The following MEF2C variants were observed in gnomAD, a reference collection of about 807,000 sequenced individuals.
MEF2C encodes myocyte enhancer factor 2C, also known as myocyte-specific enhancer factor 2C.
In MEF2C, 6 loss-of-function variants were observed where a neutral mutation model predicts 50.5. The observed-to-expected ratio is 0.12, with a 90% CI of 0.07 to 0.23. MEF2C has a LOEUF of 0.23. Among genes scored for constraint, MEF2C ranks in the 10% least tolerant of loss-of-function variants. The pLI, the probability that MEF2C is intolerant of heterozygous loss-of-function variation, is 1.00. For missense variants in MEF2C, 276 were observed against 605.0 expected (o/e 0.46, Z 5.70); for synonymous variants, 183 against 228.0 (o/e 0.80, Z 1.78).
chr5:88,863,798 T>C (rs1373189970), intron 1 of MEF2C, among the ~76,000 whole-genome samples: 2 of 152,020 alleles, frequency 1.3e-5, no homozygotes, highest in Admixed American at 6.6e-5. Context: ...GGTTCATTCA[T>C]GTTGCAAATG....
At chr5:88,783,418 C>T (rs1310915813) in intron 3 of MEF2C, among the ~76,000 whole-genome samples, 2 of 152,026 alleles carry the variant, frequency 1.3e-5, no homozygotes, top group Non-Finnish European at 2.9e-5. Flanking sequence ...CACCTGAAGT[C>T]GAGAGTTCAA....
intron 6 of MEF2C, chr5:88,743,730 C>T: frequency 1.0e-6 from 1 of 985,326 alleles, no homozygotes; most frequent in Non-Finnish European, 1.2e-6. Context: ...AATATTTATC[C>T]ACGGCAGTAC....
At chr5:88,751,072 G>A in intron 5 of MEF2C, 5 of 982,710 alleles carry the variant, frequency 5.1e-6, no homozygotes, top group Non-Finnish European at 6.0e-6. Flanking sequence ...GGTTCCTACT[G>A]TTAGTTTAGC....
At chr5:88,818,615 CT>C (rs1196394200) in intron 2 of MEF2C, among the ~76,000 whole-genome samples, 1 of 151,976 alleles carries the variant, frequency 6.6e-6, no homozygotes, top group Non-Finnish European at 1.5e-5. Flanking sequence ...TCTCCCCATC[CT>C]TGTCATAAAT....
chr5:88,757,682 G>A (rs529217581), intron 4 of MEF2C, among the ~76,000 whole-genome samples: 146 of 152,240 alleles, frequency 9.6e-4, no homozygotes, highest in African/African-American at 3.3e-3. Flanking sequence ...TTGGGAGGCC[G>A]AGACGGGCGG....
chr5:88,725,889 T>C (rs1056137402), intron 10 of MEF2C, among the ~76,000 whole-genome samples: 2 of 152,134 alleles, frequency 1.3e-5, no homozygotes, highest in African/African-American at 2.4e-5. Flanking sequence ...CTGCCCTTTT[T>C]ATAGGTGGTG....
chr5:88,850,691 C>T (rs1820994899), intron 1 of MEF2C, among the ~76,000 whole-genome samples: 1 of 151,900 alleles, frequency 6.6e-6, no homozygotes, highest in African/African-American at 2.4e-5. Flanking sequence ...CACACACACG[C>T]ACACACATAT....
At chr5:88,732,023 G>A in intron 6 of MEF2C, 122 bp from the exon 7 acceptor site, 1 of 882,954 alleles carries the variant, frequency 1.1e-6, no homozygotes, top group Non-Finnish European at 1.7e-6. Context: ...CAAAACCATA[G>A]GATGACTGAT....
At chr5:88,779,409 T>C (rs1561979859) in intron 3 of MEF2C, among the ~76,000 whole-genome samples, 2 of 152,090 alleles carry the variant, frequency 1.3e-5, no homozygotes, top group African/African-American at 4.8e-5. Context: ...TGGGAGAAGT[T>C]AGAAACTCTC....
At chr5:88,746,538 A>G (rs1469688339) in intron 6 of MEF2C, 2 of 985,262 alleles carry the variant, frequency 2.0e-6, no homozygotes, top group African/African-American at 1.7e-5. Context: ...CTTGGCCTCA[A>G]GAGTTTCAAA....
At chr5:88,739,168 C>G (rs1765374421) in intron 6 of MEF2C, 21 of 979,792 alleles carry the variant, frequency 2.1e-5, no homozygotes, top group Non-Finnish European at 2.5e-5. Context: ...CGGGAAATAA[C>G]TTCTAATATA....
intron 1 of MEF2C, among the ~76,000 whole-genome samples, chr5:88,881,734 T>TC (rs1438734339): frequency 1.3e-5 from 2 of 151,802 alleles, no homozygotes; most frequent in Non-Finnish European, 2.9e-5. Context: ...CGCTTTTTTT[T>TC]TTTTTGGACT....
intron 3 of MEF2C, among the ~76,000 whole-genome samples, chr5:88,775,218 G>A (rs1784213226): frequency 6.6e-6 from 1 of 152,102 alleles, no homozygotes. Flanking sequence ...CTTTCCACTG[G>A]GACTTGCCTG....
intron 1 of MEF2C, among the ~76,000 whole-genome samples, chr5:88,903,511 G>A (rs896823553): frequency 8.6e-5 from 13 of 151,936 alleles, no homozygotes; most frequent in African/African-American, 3.1e-4. Flanking sequence ...TTTGAAAATA[G>A]TATGTACCAT....
At chr5:88,724,782 T>C (rs1202274852) in intron 10 of MEF2C, among the ~76,000 whole-genome samples, 4 of 152,148 alleles carry the variant, frequency 2.6e-5, no homozygotes, top group Admixed American at 2.6e-4. Context: ...CATTCTGATG[T>C]TTGAGGAAAT....
At position 88,717,210 on chromosome 5, in the gene MEF2C, G is replaced by A. The variant is rs1380232278; in HGVS notation, c.*5394C>T. Reference sequence around the variant, plus strand: ...ACACAAGCTAGGGCCATATGTGACTGCAGGGGTCACATGCCCACAAACAGC... The same window carrying A: ...ACACAAGCTAGGGCCATATGTGACTACAGGGGTCACATGCCCACAAACAGC... On this transcript the variant is annotated 3_prime_UTR_variant, in exon 11 of 11. Coordinates refer to ENST00000504921, the MANE Select transcript of MEF2C (RefSeq NM_002397.5). 6.6e-6 allele frequency: 1 copy of A among 152,182 alleles called. No homozygotes were observed. The highest frequency in any genetic ancestry group is 1.5e-5 in the Non-Finnish European group (1 of 68,036). The allele number at this position is 152,182 out of a possible 1,614,324, so 9.4% of individuals were successfully genotyped here.
At chr5:88,768,947 G>T (rs900576284) in intron 3 of MEF2C, among the ~76,000 whole-genome samples, 3 of 152,130 alleles carry the variant, frequency 2.0e-5, no homozygotes, top group Non-Finnish European at 2.9e-5. Context: ...TTAAAATTTA[G>T]GGGTACTAGT....
intron 3 of MEF2C, among the ~76,000 whole-genome samples, chr5:88,783,898 C>T (rs1789494243): frequency 6.6e-6 from 1 of 152,134 alleles, no homozygotes; most frequent in African/African-American, 2.4e-5. Context: ...ATATAAAGTT[C>T]TGTATATCCT....
chr5:88,865,816 G>C (rs1297549827), intron 1 of MEF2C, among the ~76,000 whole-genome samples: 2 of 152,146 alleles, frequency 1.3e-5, no homozygotes, highest in Non-Finnish European at 2.9e-5. Context: ...GTAAGTGACA[G>C]GAAGGCTGTT....
Sources: allele counts gnomAD v4.1 joint callset (sites outside exome capture counted in the v4.1 genomes callset), GRCh38; gene constraint gnomAD v4.1.1; transcripts MANE v1.5; gene names NCBI Gene and HGNC (gene_info 2026-07-23, HGNC 2026-07-21).